Variants in GALNT18 observed in about 807,000 individuals in gnomAD.
GALNT18 encodes the protein polypeptide N-acetylgalactosaminyltransferase 18, also known as GalNAc-transferase 18.
GALNT18 carries 44 observed loss-of-function variants against 69.5 expected under a neutral mutation model. That is an observed-to-expected ratio of 0.63 (90% CI 0.50 to 0.81). The LOEUF is 0.81. Among genes scored for constraint, GALNT18 ranks in the 40% least tolerant of loss-of-function variants. GALNT18 has a pLI of 0.00. For missense variants in GALNT18, 715 were observed against 810.0 expected (o/e 0.88, Z 1.42); for synonymous variants, 364 against 318.2 (o/e 1.14, Z -1.53).
At chr11:11,477,024 C>T (rs1213817359) in intron 1 of GALNT18, among the ~76,000 whole-genome samples, 2 of 152,188 alleles carry the variant, frequency 1.3e-5, no homozygotes, top group East Asian at 1.9e-4. Context: ...TGACCGACCT[C>T]CCACCGCACA....
At chr11:11,288,787 AT>A (rs1849242813) in intron 10 of GALNT18, among the ~76,000 whole-genome samples, 1 of 152,176 alleles carries the variant, frequency 6.6e-6, no homozygotes, top group South Asian at 2.1e-4. Context: ...GAGGAAATGT[AT>A]TTTATTTGTT....
In GALNT18 at chr11:11,377,073, C is replaced by T; in HGVS notation, c.977+109G>A. 4.8e-6 allele frequency: 5 copies of T among 1,033,476 alleles called. No homozygotes were observed. The highest frequency in any genetic ancestry group is 1.9e-5 in the Admixed American group (1 of 51,740). 64.0% of individuals were successfully genotyped at this position (1,033,476 alleles called of 1,614,324 possible). On this transcript the variant is annotated intron_variant, in intron 5 of 10. Transcript: ENST00000227756. This position sits in a 1 kb window ranked among gnomAD's most constrained non-coding sequence, Gnocchi z 4.6. Reference sequence around the variant, plus strand: ...CAGTTCCTTTCGACCCTGCCCACCCCTGTCATCCCCACGATGGGGCTCAAG... The same window carrying T: ...CAGTTCCTTTCGACCCTGCCCACCCTTGTCATCCCCACGATGGGGCTCAAG...
chr11:11,535,938 T>C (rs1857762498), intron 1 of GALNT18, among the ~76,000 whole-genome samples: 1 of 152,152 alleles, frequency 6.6e-6, no homozygotes, highest in Non-Finnish European at 1.5e-5. Context: ...AGAGAAGCTG[T>C]GTGAAATCAC....
chr11:11,501,632 G>A (rs961098354), intron 1 of GALNT18, among the ~76,000 whole-genome samples: 8 of 152,144 alleles, frequency 5.3e-5, no homozygotes, highest in Non-Finnish European at 1.2e-4. Context: ...AGTAAGGCCT[G>A]TTTCTACCTT....
intron 1 of GALNT18, among the ~76,000 whole-genome samples, chr11:11,481,956 T>C (rs1856540623): frequency 6.6e-6 from 1 of 152,210 alleles, no homozygotes; most frequent in Non-Finnish European, 1.5e-5. Flanking sequence ...ACCTACCCCA[T>C]TCCACAGAAT....
intron 3 of GALNT18, among the ~76,000 whole-genome samples, chr11:11,406,381 T>C (rs7928557): frequency 0.43 from 64,924 of 152,088 alleles, 14,933 homozygotes; most frequent in Middle Eastern, 0.54. Context: ...CACCTTGGTA[T>C]CTGGTGACAA....
intron 1 of GALNT18, among the ~76,000 whole-genome samples, chr11:11,577,275 TCAG>T (rs2133900360): frequency 6.6e-6 from 1 of 152,278 alleles, no homozygotes; most frequent in East Asian, 1.9e-4. Flanking sequence ...CCTGGTGGAC[TCAG>T]CAGATGAGCG....
Position 11,600,056 on chromosome 11 carries a change from T to C in GALNT18, c.235+21303A>G, listed in dbSNP as rs1324397307. On this transcript the variant is annotated intron_variant, in intron 1 of 10. Coordinates refer to ENST00000227756, the MANE Select transcript of GALNT18 (RefSeq NM_198516.3). This position sits in a 1 kb window ranked among gnomAD's most constrained non-coding sequence, Gnocchi z 4.8. ...AGTCCTATATAATTCTATTCCCTCC[T>C]CCATATTTTTGTGCTTCCTGTTAAT... Among the ~76,000 whole-genome samples the C allele has an allele frequency of 6.6e-6, 1 of 151,996 alleles. No individual in the cohort carries two copies. Among genetic ancestry groups the C allele is most frequent in the Admixed American group, 6.5e-5 (1 of 15,274 alleles).
chr11:11,437,144 A>G (rs547588258), intron 2 of GALNT18, among the ~76,000 whole-genome samples: 1 of 152,292 alleles, frequency 6.6e-6, no homozygotes, highest in Admixed American at 6.5e-5. Flanking sequence ...CTGAGGACAC[A>G]GAGCTCTGGG....
At chr11:11,460,357 C>T (rs1856012920) in intron 1 of GALNT18, among the ~76,000 whole-genome samples, 1 of 152,070 alleles carries the variant, frequency 6.6e-6, no homozygotes, top group South Asian at 2.1e-4. Flanking sequence ...GGCAAAATAC[C>T]AATAGCTGAC....
chr11:11,411,009 C>T (rs7934724), intron 3 of GALNT18, among the ~76,000 whole-genome samples: 136,394 of 152,192 alleles, frequency 0.9, 61,210 homozygotes, highest in Middle Eastern at 0.96. Flanking sequence ...CAGCCCTTGG[C>T]AGGTTCATAG....
chr11:11,297,710 G>A (rs1241256290), intron 9 of GALNT18, among the ~76,000 whole-genome samples: 1 of 152,170 alleles, frequency 6.6e-6, no homozygotes, highest in Non-Finnish European at 1.5e-5. Flanking sequence ...AGGCTGGGGT[G>A]AGCTGTTATC....
intron 10 of GALNT18, among the ~76,000 whole-genome samples, chr11:11,271,904 T>C (rs563797284): frequency 7.9e-5 from 12 of 152,332 alleles, no homozygotes; most frequent in African/African-American, 2.4e-4. Flanking sequence ...CTGCTCCTCA[T>C]ATCAGCCCTA....
At chr11:11,281,126 C>G (rs533240630) in intron 10 of GALNT18, among the ~76,000 whole-genome samples, 1 of 152,188 alleles carries the variant, frequency 6.6e-6, no homozygotes, top group Non-Finnish European at 1.5e-5. Flanking sequence ...GGGAGCAGCA[C>G]GCAGGCAGGG....
rs1370619072 is a variant in GALNT18 at position 11,432,634 on chromosome 11, G to A, written c.582C>T (p.Asp194=). Residue 194 remains aspartate (D), a synonymous_variant, in exon 3 of 11, where the codon GAC becomes GAT. Transcript: ENST00000227756. The surrounding 1 kb of genome is among the most constrained non-coding windows in gnomAD (Gnocchi z 5.8). ...HLLKEIILVD[D]NSSNEELKEK... ...TCCGACACTCACCGTTACTGCTGTT[G>A]TCATCCACCAGAATGATCTCCTTGA... 6.2e-7 allele frequency: 1 copy of A among 1,608,744 alleles called. No individual in the cohort carries two copies. Among genetic ancestry groups the A allele is most frequent in the Non-Finnish European group, 8.5e-7 (1 of 1,177,512 alleles).
rs2133852427 is a variant in GALNT18, at chr11:11,470,266, T to C, written c.236-21330A>G. ...GGCCAGGTCTTCAGTCCTCAGGCCC[T>C]AAGGTTAAGACCCAGGCACCAAGGG... On this transcript the variant is annotated intron_variant, in intron 1 of 10. Coordinates refer to ENST00000227756, the MANE Select transcript of GALNT18 (RefSeq NM_198516.3). The surrounding 1 kb of genome is among the most constrained non-coding windows in gnomAD (Gnocchi z 4.8). 6.6e-6 allele frequency among the ~76,000 whole-genome samples: 1 copy of C among 152,318 alleles called. No homozygotes were observed. The highest frequency in any genetic ancestry group is 2.1e-4 in the South Asian group (1 of 4,824).
At chr11:11,561,954 A>T (rs890967326) in intron 1 of GALNT18, among the ~76,000 whole-genome samples, 4 of 152,234 alleles carry the variant, frequency 2.6e-5, no homozygotes, top group Non-Finnish European at 5.9e-5. Context: ...AGTGGCTCAC[A>T]GGGGTGAAGG....
rs1860076253 is a variant in GALNT18 at position 11,617,237 on chromosome 11, C to T, written c.235+4122G>A. ...TGTATGTATGTAATACTTTGTTGTA[C>T]TCTCCTCTTTAACCAATTTTTCTAT... is the stretch of plus-strand genomic sequence containing the variant. On this transcript the variant is annotated intron_variant, in intron 1 of 10. Coordinates refer to ENST00000227756, the MANE Select transcript of GALNT18 (RefSeq NM_198516.3). The surrounding 1 kb of genome is among the most constrained non-coding windows in gnomAD (Gnocchi z 4.7). 1.3e-5 allele frequency among the ~76,000 whole-genome samples: 2 copies of T among 152,152 alleles called. No homozygotes were observed. The highest frequency in any genetic ancestry group is 2.1e-4 in the South Asian group (1 of 4,830).
intron 9 of GALNT18, among the ~76,000 whole-genome samples, chr11:11,297,247 G>C (rs555558190): frequency 2.0e-5 from 3 of 152,154 alleles, no homozygotes; most frequent in East Asian, 3.9e-4. Context: ...CCCAACTTAA[G>C]GTATAATAAA....
Sources: allele counts gnomAD v4.1 joint callset (sites outside exome capture counted in the v4.1 genomes callset), GRCh38; gene constraint gnomAD v4.1.1; non-coding constraint Gnocchi (gnomAD v3.1); transcripts MANE v1.5; gene names NCBI Gene and HGNC (gene_info 2026-07-23, HGNC 2026-07-21).